Variants in ZHX1 observed in about 807,000 individuals in gnomAD.
The protein encoded by ZHX1 is zinc fingers and homeoboxes protein 1.
ZHX1 carries 20 observed loss-of-function variants against 61.8 expected under a neutral mutation model. The ratio of observed to expected loss-of-function variants is 0.32; its 90% confidence interval spans 0.23 to 0.47. The LOEUF is 0.47. Among genes scored for constraint, ZHX1 ranks in the 20% least tolerant of loss-of-function variants. ZHX1 has a pLI of 1.00. For synonymous variants in ZHX1, 318 were observed against 352.6 expected (o/e 0.90, Z 1.10); for missense variants, 800 against 1,034.8 (o/e 0.77, Z 3.11).
At chr8:123,253,130 CA>C (rs1825964336) in intron 3 of ZHX1, 191 bp downstream of exon 3, 1 of 484,300 alleles carries the variant, frequency 2.1e-6, no homozygotes, top group Non-Finnish European at 3.6e-6. Flanking sequence ...TTAAACTCTA[CA>C]TAATAATAAT....
intron 3 of ZHX1, among the ~76,000 whole-genome samples, chr8:123,251,224 T>C (rs1825909079): frequency 6.6e-6 from 1 of 152,154 alleles, no homozygotes; most frequent in African/African-American, 2.4e-5. Flanking sequence ...CTTCCCCTTC[T>C]TCCCCTTCGC....
At chr8:123,262,416 GATGAA>G (rs937887695) in intron 2 of ZHX1, among the ~76,000 whole-genome samples, 3 of 152,186 alleles carry the variant, frequency 2.0e-5, no homozygotes, top group East Asian at 1.9e-4. Context: ...TGTGAACAAA[GATGAA>G]ATGAGAGTAT....
rs1826006124 is a variant in ZHX1 at position 123,254,335 on chromosome 8, T to C, written c.1612A>G (p.Ile538Val). 1 of 1,614,100 alleles carries C rather than the reference T, an allele frequency of 6.2e-7. No individual in the cohort carries two copies. The highest frequency in any genetic ancestry group is 8.5e-7 in the Non-Finnish European group (1 of 1,179,998). Reference sequence around the variant, plus strand: ...GTTTCATCACTGGAGTCTATAATAATGGTGGTAGAGGAATCATTGTTGAGA... The same window carrying C: ...GTTTCATCACTGGAGTCTATAATAACGGTGGTAGAGGAATCATTGTTGAGA... The part of the protein sequence containing the change: ...LHLNNDSSTT[I>V]IIDSSDETTE... The change falls in exon 3 of 4, where the codon ATT (isoleucine) becomes GTT (valine). Residue 538 changes from isoleucine to valine, a missense_variant. By Grantham distance (29) the Ile-to-Val change is conservative (BLOSUM62 3). Coordinates refer to ENST00000395571, the MANE Select transcript of ZHX1 (RefSeq NM_007222.5). This position sits in a 1 kb window ranked among gnomAD's most constrained non-coding sequence, Gnocchi z 4.1.
Position 123,255,825 on chromosome 8 carries a change from G to C in ZHX1, c.122C>G (p.Thr41Ser). 6.2e-7 allele frequency: 1 copy of C among 1,614,114 alleles called. No homozygotes were observed. Among genetic ancestry groups the C allele is most frequent in the Non-Finnish European group, 8.5e-7 (1 of 1,180,018 alleles). Residue 41 changes from threonine (T) to serine (S), a missense_variant, in exon 3 of 4, where the codon ACC becomes AGC. Coordinates refer to ENST00000395571, the MANE Select transcript of ZHX1 (RefSeq NM_007222.5). ...ATCACTTGAGATACTCTCTGCTCTG[G>C]TGTTTTCTACAGGTGTAAGCACAGG... ...GPPVLTPVEN[T>S]RAESISSDEE...
In ZHX1 at chr8:123,255,641, A is replaced by G. The variant is rs1406084358; in HGVS notation, c.306T>C (p.Tyr102=). ...TAAGAAAATTGCATTCGACACAAACATAGGATGAATTTAGCACTACATTGG... is the reference window on the plus strand; with the variant it reads ...TAAGAAAATTGCATTCGACACAAACGTAGGATGAATTTAGCACTACATTGG... The part of the protein sequence containing the change: ...EHPNVVLNSS[Y]VCVECNFLTK... Residue 102 remains tyrosine, a synonymous_variant, in exon 3 of 4, where the codon TAT becomes TAC. Coordinates refer to ENST00000395571, the MANE Select transcript of ZHX1 (RefSeq NM_007222.5). 1.2e-6 allele frequency: 2 copies of G among 1,613,834 alleles called. No individual in the cohort carries two copies.
At chr8:123,274,552 G>A (rs1277662066), upstream of ZHX1, 2 of 152,184 alleles carry the variant, frequency 1.3e-5, no homozygotes, top group African/African-American at 2.4e-5. Context: ...ACTCCACTGG[G>A]GTCCGACCCC....
intron 2 of ZHX1, chr8:123,257,109 G>C (rs1437712175): frequency 6.6e-6 from 1 of 151,980 alleles, no homozygotes; most frequent in Non-Finnish European, 1.5e-5. Flanking sequence ...AGTAGAGATG[G>C]GGTTTCACCA....
chr8:123,260,551 T>C (rs980224544), intron 2 of ZHX1, among the ~76,000 whole-genome samples: 1 of 148,642 alleles, frequency 6.7e-6, no homozygotes, highest in African/African-American at 2.5e-5. Context: ...TGAGCCGAGA[T>C]CAAACCACTG....
chr8:123,258,796 T>TA (rs1826156096), intron 2 of ZHX1, among the ~76,000 whole-genome samples: 2 of 152,314 alleles, frequency 1.3e-5, no homozygotes, highest in Admixed American at 1.3e-4. Context: ...ATTTTATACC[T>TA]AAAATTTTTA....
Position 123,253,617 on chromosome 8 carries a change from T to C in ZHX1, c.2330A>G (p.Lys777Arg). ...NNWDRGPSLI[K>R]FKTGTAILKD... Reference sequence around the variant, plus strand: ...AAGTATTGCAGTTCCAGTTTTAAATTTTATGAGTGATGGTCCCCTGTCCCA... The same window carrying C: ...AAGTATTGCAGTTCCAGTTTTAAATCTTATGAGTGATGGTCCCCTGTCCCA... The change falls in exon 3 of 4, where the codon AAA becomes AGA. Residue 777 changes from lysine to arginine, a missense_variant. Transcript: ENST00000395571. The C allele has an allele frequency of 6.2e-7, 1 of 1,614,212 alleles. No individual in the cohort carries two copies. Among genetic ancestry groups the C allele is most frequent in the Non-Finnish European group, 8.5e-7 (1 of 1,180,028 alleles).
chr8:123,267,449 A>G (rs1341567759), intron 1 of ZHX1, 63 bp from the exon 2 acceptor site: 5 of 445,432 alleles, frequency 1.1e-5, no homozygotes, highest in Non-Finnish European at 1.9e-5. Context: ...AAATTTTTAC[A>G]ATTTAATGCC....
At chr8:123,260,977 G>A (rs543612865) in intron 2 of ZHX1, among the ~76,000 whole-genome samples, 52 of 151,616 alleles carry the variant, frequency 3.4e-4, no homozygotes, top group Non-Finnish European at 5.7e-4. Flanking sequence ...AGCCAAGATC[G>A]CACCACTGCA....
chr8:123,250,957 C>A (rs746728685), intron 3 of ZHX1, among the ~76,000 whole-genome samples: 3 of 152,192 alleles, frequency 2.0e-5, no homozygotes, highest in Non-Finnish European at 4.4e-5. Flanking sequence ...GACAGTGATA[C>A]CACAAAATCT....
chr8:123,269,198 T>C (rs1826564106), intron 1 of ZHX1, among the ~76,000 whole-genome samples: 1 of 152,160 alleles, frequency 6.6e-6, no homozygotes, highest in South Asian at 2.1e-4. Flanking sequence ...TTTTCCAAAA[T>C]GAATTATTAA....
At chr8:123,262,605 CCTGT>C (rs1371800882) in intron 2 of ZHX1, among the ~76,000 whole-genome samples, 3 of 152,132 alleles carry the variant, frequency 2.0e-5, no homozygotes, top group Admixed American at 1.3e-4. Context: ...CCTCTGCCTC[CCTGT>C]GTTGGGATTA....
chr8:123,268,723 C>A (rs947438160), intron 1 of ZHX1, among the ~76,000 whole-genome samples: 5 of 152,198 alleles, frequency 3.3e-5, no homozygotes, highest in African/African-American at 9.7e-5. Flanking sequence ...ATCTCCTGAG[C>A]TCAAGTGATC....
intron 1 of ZHX1, among the ~76,000 whole-genome samples, chr8:123,270,511 T>C (rs1246716851): frequency 6.6e-6 from 1 of 152,102 alleles, no homozygotes; most frequent in Non-Finnish European, 1.5e-5. Flanking sequence ...CTGAGTGCAG[T>C]GGCTCACACC....
chr8:123,256,098 CAAGTA>C lies in ZHX1; in HGVS notation c.-157_-153del, dbSNP rs1826064063. On this transcript the variant is annotated 5_prime_UTR_variant, in exon 3 of 4. An upstream open reading frame in the 5' UTR loses its in-frame stop. Coordinates refer to ENST00000395571, the MANE Select transcript of ZHX1 (RefSeq NM_007222.5). ...ATTAGCAGCTTTCTCATGGTGCAAT[CAAGTA>C]AAGAGCTTATTGTTGGCAGATAAAA... is the stretch of plus-strand genomic sequence containing the variant. The C allele has an allele frequency of 1.7e-6, 1 of 586,146 alleles. No homozygotes were observed. Among genetic ancestry groups the C allele is most frequent in the Non-Finnish European group, 2.8e-6 (1 of 353,456 alleles). 36.3% of individuals were successfully genotyped at this position (586,146 alleles called of 1,614,324 possible).
At chr8:123,272,084 A>G (rs1826674575) in intron 1 of ZHX1, among the ~76,000 whole-genome samples, 1 of 152,260 alleles carries the variant, frequency 6.6e-6, no homozygotes, top group Non-Finnish European at 1.5e-5. Context: ...TCCAAATGTA[A>G]AGTTCTAAAC....
Sources: gnomAD v4.1 joint callset for allele counts (sites outside exome capture counted in the v4.1 genomes callset) on GRCh38, gnomAD v4.1.1 for gene constraint, Gnocchi (gnomAD v3.1) non-coding constraint, MANE v1.5 for transcripts, NCBI Gene and HGNC (gene_info 2026-07-23, HGNC 2026-07-21) for gene names.